MERTK: variants seen among roughly 807,000 people sequenced by gnomAD.
MERTK encodes the protein MER proto-oncogene, tyrosine kinase.
In MERTK, 69 loss-of-function variants were observed where a neutral mutation model predicts 99.3. That is an observed-to-expected ratio of 0.70 (90% confidence interval 0.57 to 0.85). The LOEUF is 0.85. MERTK is among the 40% of genes least tolerant of loss of function. MERTK has a pLI of 0.00. For missense variants in MERTK, 1,125 were observed against 1,249.4 expected, an observed-to-expected ratio of 0.90 and a Z score of 1.50; for synonymous variants, 426 against 467.6, an observed-to-expected ratio of 0.91 and a Z score of 1.15.
At chr2:111,951,345 G>A (rs1033571406) in intron 4 of MERTK, among the ~76,000 whole-genome samples, 23 of 151,518 alleles carry the variant, frequency 1.5e-4, no homozygotes, top group Admixed American at 1.1e-3. Flanking sequence ...TTTAAACCAC[G>A]GTTCTATTCT....
At chr2:112,006,245 G>A (rs955073309) in intron 13 of MERTK, among the ~76,000 whole-genome samples, 2 of 151,518 alleles carry the variant, frequency 1.3e-5, no homozygotes, top group Non-Finnish European at 2.9e-5. Context: ...CACATGAACC[G>A]GTACTTTTTA....
At chr2:111,925,292 A>ATTTTTTTTTTTTT (rs11433691) in intron 1 of MERTK, among the ~76,000 whole-genome samples, 1 of 24,498 alleles carries the variant, frequency 4.1e-5, no homozygotes, top group African/African-American at 1.4e-4. Flanking sequence ...ATATATATAT[A>ATTTTTTTTTTTTT]TTTTTTTTTT....
intron 8 of MERTK, among the ~76,000 whole-genome samples, chr2:111,992,997 T>C (rs1200066089): frequency 6.6e-6 from 1 of 152,096 alleles, no homozygotes; most frequent in South Asian, 2.1e-4. Flanking sequence ...TATCTCCAGA[T>C]GATAGTGTTG....
rs552339970 is a variant in MERTK at position 111,931,646 on chromosome 2, A to G, written c.482+2106A>G. Among the ~76,000 whole-genome samples the G allele has an allele frequency of 2.0e-5, 3 of 151,748 alleles. No homozygotes were observed. In the East Asian group the frequency reaches 5.8e-4, roughly 29 times the overall value. On this transcript the variant is annotated intron_variant, in intron 2 of 18. Coordinates refer to ENST00000295408, the MANE Select transcript of MERTK (RefSeq NM_006343.3). ...GGTTGCAGTAAGCCAAGATTGCACC[A>G]CTGCACTCCAGCCTGGCAACAGAGC...
chr2:111,906,446 A>G (rs1162623304), intron 1 of MERTK, among the ~76,000 whole-genome samples: 5 of 152,362 alleles, frequency 3.3e-5, no homozygotes, highest in Admixed American at 2.6e-4. Context: ...TTTGAAAATG[A>G]TCACTTTCAC....
chr2:112,002,142 G>C (rs1192531134), intron 11 of MERTK, among the ~76,000 whole-genome samples: 1 of 152,000 alleles, frequency 6.6e-6, no homozygotes, highest in South Asian at 2.1e-4. Context: ...TTTGCCAAGA[G>C]TTGTTGAACT....
chr2:111,922,892 A>G (rs1264771367), intron 1 of MERTK, among the ~76,000 whole-genome samples: 1 of 152,214 alleles, frequency 6.6e-6, no homozygotes, highest in Non-Finnish European at 1.5e-5. Context: ...AGGATGCACT[A>G]GTTGATCACA....
intron 18 of MERTK, 30 bp downstream of exon 18, chr2:112,022,424 A>T: frequency 1.2e-6 from 2 of 1,613,842 alleles, no homozygotes; most frequent in Non-Finnish European, 1.7e-6. Flanking sequence ...TCCCTTCCAT[A>T]CTCTGCATGG....
chr2:112,022,527 G>GTGGGTTCC, intron 18 of MERTK, 133 bp downstream of exon 18: 2 of 1,334,330 alleles, frequency 1.5e-6, no homozygotes, highest in Non-Finnish European at 2.2e-6. Flanking sequence ...CAGAGGGGTG[G>GTGGGTTCC]AACCCACAGA....
intron 7 of MERTK, among the ~76,000 whole-genome samples, chr2:111,980,401 C>T (rs1013118094): frequency 1.3e-4 from 20 of 149,614 alleles, no homozygotes; most frequent in African/African-American, 4.9e-4. Flanking sequence ...GACTTTGAGA[C>T]GCAACTATTT....
At chr2:111,997,091 AC>A (rs764675308) in intron 9 of MERTK, 4 of 671,288 alleles carry the variant, frequency 6.0e-6, no homozygotes, top group Non-Finnish European at 1.1e-5. Flanking sequence ...GTACAGTGTG[AC>A]ATTTTGATCT....
chr2:111,961,451 G>A (rs556655877), intron 4 of MERTK, among the ~76,000 whole-genome samples: 5 of 151,980 alleles, frequency 3.3e-5, no homozygotes, highest in East Asian at 1.9e-4. Flanking sequence ...CACCGCACCC[G>A]GCCGGCGTTT....
chr2:112,028,427 G>GAAA lies in MERTK; in HGVS notation c.2566_2568dup (p.Lys856dup). 6.2e-7 allele frequency: 1 copy of GAAA among 1,614,158 alleles called. No individual in the cohort carries two copies. The highest frequency in any genetic ancestry group is 8.5e-7 in the Non-Finnish European group (1 of 1,180,028). On this transcript the variant is annotated inframe_insertion, in exon 19 of 19. Coordinates refer to ENST00000295408, the MANE Select transcript of MERTK (RefSeq NM_006343.3). ...CTTTTCAGTATTGAGGCTGCAGCTAGAAAAACTCTTAGAAAGTTTGCCTGA... is the reference window on the plus strand; with the variant it reads ...CTTTTCAGTATTGAGGCTGCAGCTAGAAAAAAAACTCTTAGAAAGTTTGCCTGA...
intron 15 of MERTK, among the ~76,000 whole-genome samples, chr2:112,015,322 T>C (rs570203431): frequency 2.0e-5 from 3 of 152,222 alleles, no homozygotes; most frequent in Non-Finnish European, 2.9e-5. Context: ...CCCATTCTTA[T>C]TAGGACTTAA....
intron 11 of MERTK, among the ~76,000 whole-genome samples, chr2:112,001,959 A>AT (rs530331407): frequency 2.9e-4 from 44 of 150,258 alleles, no homozygotes; most frequent in African/African-American, 9.3e-4. Context: ...GATATCCTCA[A>AT]TTTTTTTTTT....
At chr2:111,945,884 G>A (rs755642886) in intron 3 of MERTK, among the ~76,000 whole-genome samples, 44 of 152,350 alleles carry the variant, frequency 2.9e-4, no homozygotes, top group East Asian at 9.6e-4. Flanking sequence ...TCTCTGAGGT[G>A]CCCCTCTTAG....
intron 15 of MERTK, among the ~76,000 whole-genome samples, chr2:112,017,759 C>T (rs1355506980): frequency 6.6e-6 from 1 of 151,960 alleles, no homozygotes; most frequent in Non-Finnish European, 1.5e-5. Flanking sequence ...TGGGAGCATA[C>T]CTATGTTTTA....
intron 4 of MERTK, among the ~76,000 whole-genome samples, chr2:111,953,423 C>T (rs1419460758): frequency 2.6e-5 from 4 of 152,168 alleles, no homozygotes; most frequent in African/African-American, 9.7e-5. Context: ...TTATTAAATG[C>T]CTGTTTCATA....
chr2:111,910,788 T>C (rs966886100), intron 1 of MERTK, among the ~76,000 whole-genome samples: 1 of 151,874 alleles, frequency 6.6e-6, no homozygotes, highest in Non-Finnish European at 1.5e-5. Flanking sequence ...AACAAAAAAG[T>C]TGATTTTGTA....
Sources: gnomAD v4.1 joint callset for allele counts (sites outside exome capture counted in the v4.1 genomes callset) on GRCh38, gnomAD v4.1.1 for gene constraint, MANE v1.5 for transcripts, NCBI Gene and HGNC (gene_info 2026-07-23, HGNC 2026-07-21) for gene names.